Variants in WDR1 observed in about 807,000 individuals in gnomAD.
WDR1 encodes the protein WD repeat-containing protein 1.
In WDR1, 21 loss-of-function variants were observed where a neutral mutation model predicts 71.9. That is an observed-to-expected ratio of 0.29 (90% confidence interval 0.21 to 0.42). WDR1 has a LOEUF of 0.42. WDR1 is among the 10% of genes least tolerant of loss of function. WDR1 has a pLI of 1.00. For synonymous variants in WDR1, 424 were observed against 347.4 expected, an observed-to-expected ratio of 1.22 and a Z score of -2.45; for missense variants, 696 against 824.5, an observed-to-expected ratio of 0.84 and a Z score of 1.91.
intron 2 of WDR1, among the ~76,000 whole-genome samples, chr4:10,113,802 G>C (rs533968744): frequency 6.6e-6 from 1 of 152,366 alleles, no homozygotes; most frequent in South Asian, 2.1e-4. Flanking sequence ...GCGAAGCAGA[G>C]AGTGAAACAG....
intron 4 of WDR1, 75 bp downstream of exon 4, chr4:10,098,917 C>A: frequency 6.3e-7 from 1 of 1,592,914 alleles, no homozygotes. Flanking sequence ...CAGCGCATCC[C>A]CCTCCCAGGG....
chr4:10,097,168 C>T (rs774321278), intron 5 of WDR1, among the ~76,000 whole-genome samples: 5 of 152,274 alleles, frequency 3.3e-5, no homozygotes, highest in African/African-American at 4.8e-5. Flanking sequence ...GGCGCATGCA[C>T]GGCATGGGCC....
intron 2 of WDR1, among the ~76,000 whole-genome samples, chr4:10,109,151 C>T (rs570279405): frequency 6.6e-6 from 1 of 152,376 alleles, no homozygotes; most frequent in South Asian, 2.1e-4. Flanking sequence ...AGGAAGGTAA[C>T]CTCATAATCC....
Position 10,078,984 on chromosome 4 carries a change from A to T in WDR1, c.1302T>A (p.Asp434Glu). The change falls in exon 12 of 15, where the codon GAT (aspartate) becomes GAA (glutamate). Residue 434 changes from aspartate (D) to glutamate (E), a missense_variant. Asp to Glu is a conservative substitution (Grantham distance 45). Transcript: ENST00000499869. ...VCIGQIVLLK[D>E]QRKCFSIDNP... is the part of the protein sequence containing the mutation. ...TGTCGATGCTGAAGCACTTCCTCTG[A>T]TCCTTCAGCAGGACAATCTGTGGCA... 6.2e-7 allele frequency: 1 copy of T among 1,608,642 alleles called. No homozygotes were observed. Among genetic ancestry groups the T allele is most frequent in the South Asian group, 1.1e-5 (1 of 90,474 alleles).
At chr4:10,113,737 G>A (rs1296318853) in intron 2 of WDR1, among the ~76,000 whole-genome samples, 5 of 152,244 alleles carry the variant, frequency 3.3e-5, no homozygotes, top group Non-Finnish European at 5.9e-5. Context: ...AGATTCTGAA[G>A]ATACTTTGAA....
chr4:10,079,678 C>T (rs1185049705), intron 11 of WDR1, among the ~76,000 whole-genome samples: 5 of 152,204 alleles, frequency 3.3e-5, no homozygotes, highest in Non-Finnish European at 5.9e-5. Context: ...TGCCTTTATC[C>T]CAGTGTGCCC....
intron 11 of WDR1, among the ~76,000 whole-genome samples, chr4:10,080,809 C>T (rs1764985204): frequency 6.6e-6 from 1 of 152,334 alleles, no homozygotes; most frequent in Middle Eastern, 3.4e-3. Context: ...CAGGTGCCAC[C>T]CTTCTGCATG....
intron 5 of WDR1, among the ~76,000 whole-genome samples, chr4:10,097,440 C>G (rs1047614573): frequency 6.6e-6 from 1 of 152,238 alleles, no homozygotes; most frequent in Non-Finnish European, 1.5e-5. Flanking sequence ...CGGTCAGGGA[C>G]ATTCCTGCCC....
intron 3 of WDR1, among the ~76,000 whole-genome samples, chr4:10,102,101 C>T (rs1051357433): frequency 1.1e-4 from 17 of 152,214 alleles, no homozygotes; most frequent in African/African-American, 3.1e-4. Flanking sequence ...CTCACCCAGC[C>T]GCCTGGCTCG....
Position 10,088,738 on chromosome 4 carries a change from G to A in WDR1, c.562C>T (p.His188Tyr). 6.3e-7 allele frequency: 1 copy of A among 1,595,974 alleles called. No individual in the cohort carries two copies. The highest frequency in any genetic ancestry group is 8.5e-7 in the Non-Finnish European group (1 of 1,171,042). The change falls in exon 6 of 15, where the codon CAC becomes TAC. Residue 188 changes from histidine to tyrosine, a missense_variant. By Grantham distance (83) the His-to-Tyr change is moderately conservative. Coordinates refer to ENST00000499869, the MANE Select transcript of WDR1 (RefSeq NM_017491.5). ...PFKFKFTIGD[H>Y]SRFVNCVRFS... is the part of the protein sequence containing the mutation. ...CGCACACAGTTGACAAAGCGGCTGT[G>A]GTCCTGCAGGAAAACAATTACCTGC... is the stretch of plus-strand genomic sequence containing the variant.
Position 10,081,372 on chromosome 4 carries a change from G to A in WDR1, c.1269C>T (p.Val423=), listed in dbSNP as rs775433101. The part of the protein sequence containing the change: ...VAVGPGGYAV[V]VCIGQIVLLK... ...AGGTCCCTACCTGTCCAATGCACAC[G>A]ACCACGGCGTATCCCCCGGGGCCGA... The change falls in exon 11 of 15, where the codon GTC becomes GTT. Residue 423 remains valine (V), a synonymous_variant. Transcript: ENST00000499869. 9.9e-6 allele frequency: 16 copies of A among 1,613,754 alleles called. No homozygotes were observed. The highest frequency in any genetic ancestry group is 8.0e-5 in the African/African-American group (6 of 74,888).
intron 2 of WDR1, among the ~76,000 whole-genome samples, chr4:10,110,988 A>G (rs1713315903): frequency 6.6e-6 from 1 of 151,206 alleles, no homozygotes; most frequent in African/African-American, 2.5e-5. Flanking sequence ...CTTAGTGAAC[A>G]TGTGTGGGAA....
intron 8 of WDR1, among the ~76,000 whole-genome samples, chr4:10,085,558 T>C (rs773363515): frequency 9.9e-5 from 15 of 152,238 alleles, no homozygotes; most frequent in Non-Finnish European, 1.8e-4. Context: ...CAGGCCCACC[T>C]TCCTGCCAAA....
chr4:10,082,986 C>T (rs1195799939), intron 10 of WDR1, 36 bp downstream of exon 10: 1 of 1,583,222 alleles, frequency 6.3e-7, no homozygotes, highest in Non-Finnish European at 8.6e-7. Context: ...GGAGCTGAGG[C>T]TCATCCGGAA....
chr4:10,091,921 C>G (rs552063312), intron 5 of WDR1: 1 of 152,574 alleles, frequency 6.6e-6, no homozygotes, highest in East Asian at 1.9e-4. Context: ...CAAAGCACTT[C>G]TAGACCCCCT....
At chr4:10,093,056 G>T in intron 5 of WDR1, 1 of 1,289,316 alleles carries the variant, frequency 7.8e-7, no homozygotes, top group Non-Finnish European at 1.0e-6. Flanking sequence ...CGAGGAAACC[G>T]AGGCTTGAAG....
intron 5 of WDR1, among the ~76,000 whole-genome samples, chr4:10,089,498 C>T (rs1339871827): frequency 5.4e-5 from 8 of 147,692 alleles, no homozygotes; most frequent in East Asian, 2.0e-4. Flanking sequence ...CTTCCAGGGG[C>T]GACTCTGTTA....
intron 5 of WDR1, chr4:10,092,515 T>TCTCG: frequency 1.3e-5 from 2 of 155,644 alleles, no homozygotes; most frequent in Admixed American, 1.3e-4. Context: ...GGTGGTGTCA[T>TCTCG]GTGTCCCTCC....
chr4:10,097,673 C>G (rs764319679), intron 5 of WDR1, 38 bp downstream of exon 5: 2 of 1,589,696 alleles, frequency 1.3e-6, no homozygotes, highest in African/African-American at 1.3e-5. Flanking sequence ...GCCTCATGTA[C>G]AAACCACAAA....
Sources: allele counts gnomAD v4.1 joint callset (sites outside exome capture counted in the v4.1 genomes callset), GRCh38; gene constraint gnomAD v4.1.1; transcripts MANE v1.5; gene names NCBI Gene and HGNC (gene_info 2026-07-23, HGNC 2026-07-21).